TMPRSS11F: variants seen among roughly 807,000 people sequenced by gnomAD.
The protein encoded by TMPRSS11F is transmembrane protease serine 11F.
Under a neutral mutation model 60.2 loss-of-function variants are expected in TMPRSS11F, and 47 were observed. That is an observed-to-expected ratio of 0.78 (90% CI 0.62 to 1.00). TMPRSS11F has a LOEUF of 1.00. Ranked by LOEUF, TMPRSS11F falls within the 50% of genes least tolerant of loss-of-function variation. The pLI, the probability that TMPRSS11F is intolerant of heterozygous loss-of-function variation, is 0.00. For missense variants in TMPRSS11F, 519 were observed against 522.9 expected, an observed-to-expected ratio of 0.99 and a Z score of 0.07; for synonymous variants, 166 against 167.3, an observed-to-expected ratio of 0.99 and a Z score of 0.06.
At position 68,072,511 on chromosome 4, in the gene TMPRSS11F, A is replaced by G. The variant is rs768832670; in HGVS notation, c.351-25T>C. On this transcript the variant is annotated intron_variant, in intron 4 of 9. Coordinates refer to ENST00000356291, the MANE Select transcript of TMPRSS11F (RefSeq NM_207407.2). ...ACTGAAGAACAAAAAAGCAGATAAA[A>G]ATGGCATTTATCTAATCATTAATGA... 5.5e-6 allele frequency: 8 copies of G among 1,449,744 alleles called. No homozygotes were observed. The East Asian group carries it at 1.9e-4, about 35-fold the overall frequency. The allele number at this position is 1,449,744 out of a possible 1,614,324, so 89.8% of individuals were successfully genotyped here. A position where few individuals can be genotyped will look rare whatever the true frequency, so the allele number is the denominator to read the frequency against.
At chr4:68,127,696 C>T (rs1380633071) in intron 1 of TMPRSS11F, among the ~76,000 whole-genome samples, 3 of 151,984 alleles carry the variant, frequency 2.0e-5, no homozygotes, top group African/African-American at 7.2e-5. Context: ...ACATCAAGGC[C>T]TGGTACACAT....
At chr4:68,065,490 G>T (rs1381552459) in intron 7 of TMPRSS11F, among the ~76,000 whole-genome samples, 2 of 152,088 alleles carry the variant, frequency 1.3e-5, no homozygotes, top group Admixed American at 1.3e-4. Context: ...ACCGCCCATG[G>T]ATCTGGCCTG....
At chr4:68,073,673 G>A (rs552211226) in intron 4 of TMPRSS11F, among the ~76,000 whole-genome samples, 5 of 65,952 alleles carry the variant, frequency 7.6e-5, no homozygotes, top group Non-Finnish European at 3.0e-4. Flanking sequence ...CTTAAGAGAC[G>A]GGGGGAAGAG....
chr4:68,126,169 G>T (rs982383077), intron 1 of TMPRSS11F, among the ~76,000 whole-genome samples: 10 of 152,010 alleles, frequency 6.6e-5, no homozygotes, highest in African/African-American at 2.2e-4. Context: ...ATTCATATAT[G>T]TGTGTATGTG....
At chr4:68,115,014 A>ATT (rs1724486725) in intron 1 of TMPRSS11F, among the ~76,000 whole-genome samples, 1 of 135,808 alleles carries the variant, frequency 7.4e-6, no homozygotes, top group Non-Finnish European at 1.6e-5. Context: ...AAAAAAAAAG[A>ATT]AGAAGAACAA....
At chr4:68,076,543 C>A (rs1423979927) in intron 3 of TMPRSS11F, among the ~76,000 whole-genome samples, 2 of 152,122 alleles carry the variant, frequency 1.3e-5, no homozygotes, top group East Asian at 3.9e-4. Context: ...TCTCTTTGTA[C>A]CCTTTTAGAC....
At chr4:68,081,252 T>A (rs1012099055) in intron 3 of TMPRSS11F, among the ~76,000 whole-genome samples, 1 of 152,180 alleles carries the variant, frequency 6.6e-6, no homozygotes, top group African/African-American at 2.4e-5. Context: ...GTCATGAGAA[T>A]TTTCCAGTCT....
intron 1 of TMPRSS11F, among the ~76,000 whole-genome samples, chr4:68,105,950 A>G (rs1724295645): frequency 3.9e-5 from 6 of 152,194 alleles, no homozygotes; most frequent in Admixed American, 3.9e-4. Context: ...GTAAAAAAAC[A>G]CAGAATATTT....
Position 68,090,787 on chromosome 4 carries a change from A to C in TMPRSS11F, c.164-146T>G, listed in dbSNP as rs1723913109. ...AAATTCTTGAAGACACTTCTCAAATACTCTGTAATTTCACCACTGCTGCTG... is the reference window on the plus strand; with the variant it reads ...AAATTCTTGAAGACACTTCTCAAATCCTCTGTAATTTCACCACTGCTGCTG... On this transcript the variant is annotated intron_variant, in intron 2 of 9. Transcript: ENST00000356291. 3 of 1,344,198 alleles carry C rather than the reference A, an allele frequency of 2.2e-6. No individual in the cohort carries two copies. The Admixed American group carries it at 9.3e-5, about 42-fold the overall frequency. The allele number at this position is 1,344,198 out of a possible 1,614,324, so 83.3% of individuals were successfully genotyped here. A position where few individuals can be genotyped will look rare whatever the true frequency, so the allele number is the denominator to read the frequency against.
At chr4:68,076,541 T>C (rs1479867275) in intron 3 of TMPRSS11F, among the ~76,000 whole-genome samples, 1 of 152,210 alleles carries the variant, frequency 6.6e-6, no homozygotes, top group Non-Finnish European at 1.5e-5. Flanking sequence ...AGTCTCTTTG[T>C]ACCCTTTTAG....
In TMPRSS11F at chr4:68,090,930, C is replaced by T. The variant is rs138400274; in HGVS notation, c.164-289G>A. Reference sequence around the variant, plus strand: ...GCAACATACAGTGGAAAGATAATATCGAAAGCAATTGCTGAAAGTCATGTA... The same window carrying T: ...GCAACATACAGTGGAAAGATAATATTGAAAGCAATTGCTGAAAGTCATGTA... On this transcript the variant is annotated intron_variant, in intron 2 of 9. Transcript: ENST00000356291. 3.9e-3 allele frequency among the ~76,000 whole-genome samples: 600 copies of T among 152,194 alleles called. 16 individuals are homozygous for T. Among genetic ancestry groups the T allele is most frequent in the Admixed American group, 0.034 (517 of 15,266 alleles).
chr4:68,070,832 T>G (rs1437202454), intron 5 of TMPRSS11F, among the ~76,000 whole-genome samples: 1 of 152,210 alleles, frequency 6.6e-6, no homozygotes, highest in Non-Finnish European at 1.5e-5. Flanking sequence ...CAAAAAGGGA[T>G]GCGAGCCCCA....
In TMPRSS11F at chr4:68,079,026, G is replaced by A. The variant is rs143041948; in HGVS notation, c.283-5017C>T. Among the ~76,000 whole-genome samples the A allele has an allele frequency of 5.7e-3, 587 of 103,134 alleles. 25 individuals are homozygous for A. Among genetic ancestry groups the A allele is most frequent in the Non-Finnish European group, 8.8e-3 (347 of 39,358 alleles). 67.7% of individuals were successfully genotyped at this position (103,134 alleles called of 152,430 possible). ...TAAAATGTGATATTAACAAACCATA[G>A]TCCCCCAATGCATCAACCTCTATTT... On this transcript the variant is annotated intron_variant, in intron 3 of 9. Transcript: ENST00000356291.
intron 8 of TMPRSS11F, among the ~76,000 whole-genome samples, chr4:68,060,769 T>A (rs1723154494): frequency 6.6e-6 from 1 of 151,780 alleles, no homozygotes; most frequent in South Asian, 2.1e-4. Flanking sequence ...TTATAATTCA[T>A]GTGTATGAAT....
chr4:68,096,836 T>C (rs1724085411), intron 2 of TMPRSS11F, among the ~76,000 whole-genome samples: 2 of 152,238 alleles, frequency 1.3e-5, no homozygotes, highest in South Asian at 4.1e-4. Context: ...CAATTATTGA[T>C]AATTTTTACT....
At chr4:68,119,249 A>G (rs1414065277) in intron 1 of TMPRSS11F, among the ~76,000 whole-genome samples, 1 of 152,042 alleles carries the variant, frequency 6.6e-6, no homozygotes, top group African/African-American at 2.4e-5. Context: ...AAAATTCTGA[A>G]GCAAGCAGAA....
intron 2 of TMPRSS11F, among the ~76,000 whole-genome samples, chr4:68,096,409 A>T (rs1724076487): frequency 6.6e-6 from 1 of 152,210 alleles, no homozygotes; most frequent in Admixed American, 6.5e-5. Context: ...AATTAATAAC[A>T]CAGTAATTGT....
chr4:68,054,004 T>C lies in TMPRSS11F; in HGVS notation c.1222A>G (p.Ser408Gly), dbSNP rs1389045054. Residue 408 changes from serine to glycine, a missense_variant, in exon 10 of 10, where the codon AGT (serine) becomes GGT (glycine). By Grantham distance (56) the Ser-to-Gly change is moderately conservative. Coordinates refer to ENST00000356291, the MANE Select transcript of TMPRSS11F (RefSeq NM_207407.2). The part of the protein sequence containing the change: ...HDIWYIVGIV[S>G]WGQSCALPKK... ...GGAAGTGCACATGATTGTCCCCAAC[T>C]TACTATACCTACAATGTACCAGATG... 1 of 1,613,524 alleles carries C rather than the reference T, an allele frequency of 6.2e-7. No individual in the cohort carries two copies. Among genetic ancestry groups the C allele is most frequent in the East Asian group, 2.2e-5 (1 of 44,866 alleles).
At chr4:68,114,121 T>C (rs1724465819) in intron 1 of TMPRSS11F, among the ~76,000 whole-genome samples, 1 of 151,906 alleles carries the variant, frequency 6.6e-6, no homozygotes, top group Non-Finnish European at 1.5e-5. Context: ...AAGGCAATGA[T>C]TGGGGAAAAT....
Sources: allele counts gnomAD v4.1 joint callset (sites outside exome capture counted in the v4.1 genomes callset), GRCh38; gene constraint gnomAD v4.1.1; transcripts MANE v1.5; gene names NCBI Gene and HGNC (gene_info 2026-07-23, HGNC 2026-07-21).